Variants in XRCC4 observed in about 807,000 individuals in gnomAD.
The protein encoded by XRCC4 is DNA repair protein XRCC4.
A neutral mutation model predicts 39.1 loss-of-function variants in XRCC4; 28 were observed. That is an observed-to-expected ratio of 0.72 (90% CI 0.53 to 0.98). XRCC4 has a LOEUF of 0.98. Ranked by LOEUF, XRCC4 falls within the 50% of genes least tolerant of loss-of-function variation. The pLI is 0.00. For synonymous variants in XRCC4, 123 were observed against 126.4 expected (o/e 0.97, Z 0.18); for missense variants, 350 against 376.4 (o/e 0.93, Z 0.58).
the XRCC4 span, among the ~76,000 whole-genome samples, chr5:83,361,705 C>T: frequency 0.17 from 25,730 of 151,648 alleles, 2,760 homozygotes; most frequent in Non-Finnish European, 0.25. Flanking sequence ...TCACTGCAAC[C>T]TCTGTCTCCT....
rs182234484 is a variant in XRCC4, at chr5:83,314,709, C to A, written c.894-38422C>A. Among the ~76,000 whole-genome samples the A allele has an allele frequency of 3.3e-3, 501 of 152,122 alleles. 3 individuals carry two copies. The highest frequency in any genetic ancestry group is 2.9e-3 in the Non-Finnish European group (195 of 67,970). ...GTTATGGTTATCTGTGATCAGTGATCATTTATTTTACTATTGCAATTATTT... is the reference window on the plus strand; with the variant it reads ...GTTATGGTTATCTGTGATCAGTGATAATTTATTTTACTATTGCAATTATTT... On this transcript the variant is annotated intron_variant, in intron 7 of 7. Transcript: ENST00000396027.
chr5:83,150,975 G>A (rs1210704308), intron 3 of XRCC4, among the ~76,000 whole-genome samples: 1 of 152,044 alleles, frequency 6.6e-6, no homozygotes, highest in Non-Finnish European at 1.5e-5. Flanking sequence ...ATTCTGGTAT[G>A]ATTCCTTTGC....
chr5:83,251,519 G>A (rs1191703225), intron 6 of XRCC4, among the ~76,000 whole-genome samples: 10 of 109,160 alleles, frequency 9.2e-5, no homozygotes, highest in Non-Finnish European at 1.2e-4. Context: ...ACGAGACTCC[G>A]TCTCAAAAAA....
intron 1 of XRCC4, among the ~76,000 whole-genome samples, chr5:83,083,449 T>C (rs1306964461): frequency 6.7e-6 from 1 of 149,240 alleles, no homozygotes; most frequent in Non-Finnish European, 1.5e-5. Context: ...CAATCTCTAC[T>C]CACTACAACC....
At position 83,204,872 on chromosome 5, in the gene XRCC4, T is replaced by A; in HGVS notation, c.696T>A (p.Ser232Arg). Residue 232 changes from serine (S) to arginine (R), a missense_variant, in exon 6 of 8, where the codon AGT (serine) becomes AGA (arginine). By Grantham distance (110) the Ser-to-Arg change is moderately radical. Coordinates refer to ENST00000396027, the MANE Select transcript of XRCC4 (RefSeq NM_003401.5). ...ACCGAGATCCAGTCTATGATGAGAGTACTGATGAGGAAAGTGAAAACCAAA... is the reference window on the plus strand; with the variant it reads ...ACCGAGATCCAGTCTATGATGAGAGAACTGATGAGGAAAGTGAAAACCAAA... ...TADRDPVYDE[S>R]TDEESENQTD... 1 of 1,612,420 alleles carries A rather than the reference T, an allele frequency of 6.2e-7. No individual in the cohort carries two copies. The highest frequency in any genetic ancestry group is 1.7e-5 in the Admixed American group (1 of 59,960).
At chr5:83,101,019 C>A (rs944554387) in intron 1 of XRCC4, among the ~76,000 whole-genome samples, 20 of 151,990 alleles carry the variant, frequency 1.3e-4, no homozygotes, top group African/African-American at 4.1e-4. Flanking sequence ...CTGTGATTAT[C>A]GTATCAAACC....
At chr5:83,132,816 A>G (rs1248698328) in intron 3 of XRCC4, among the ~76,000 whole-genome samples, 1 of 151,926 alleles carries the variant, frequency 6.6e-6, no homozygotes, top group Non-Finnish European at 1.5e-5. Flanking sequence ...CTTCTTTTCA[A>G]TGGATTCAAA....
chr5:83,323,696 T>C (rs906872999), intron 7 of XRCC4, among the ~76,000 whole-genome samples: 4 of 151,596 alleles, frequency 2.6e-5, no homozygotes, highest in Non-Finnish European at 5.9e-5. Flanking sequence ...ACAGTAAAAG[T>C]AGTAAGGATG....
chr5:83,153,636 C>CA (rs1251599801), intron 3 of XRCC4, among the ~76,000 whole-genome samples: 1 of 152,130 alleles, frequency 6.6e-6, no homozygotes, highest in African/African-American at 2.4e-5. Flanking sequence ...GTGATGATGA[C>CA]AAAGGCTGGC....
At chr5:83,318,368 G>A (rs1164197553) in intron 7 of XRCC4, among the ~76,000 whole-genome samples, 5 of 132,404 alleles carry the variant, frequency 3.8e-5, no homozygotes, top group Non-Finnish European at 7.5e-5. Context: ...AATAAGGCAG[G>A]AGAAGGAAAT....
chr5:83,322,722 T>G (rs772873998), intron 7 of XRCC4, among the ~76,000 whole-genome samples: 3 of 152,010 alleles, frequency 2.0e-5, no homozygotes, highest in Non-Finnish European at 4.4e-5. Context: ...GAGGCAGAGA[T>G]TGGAGAGATG....
chr5:83,292,539 A>G (rs1754954385), intron 7 of XRCC4, among the ~76,000 whole-genome samples: 1 of 151,976 alleles, frequency 6.6e-6, no homozygotes, highest in Admixed American at 6.6e-5. Flanking sequence ...TGAAATAGCA[A>G]TATTCTATTT....
At chr5:83,095,628 G>A (rs1425763204) in intron 1 of XRCC4, among the ~76,000 whole-genome samples, 1 of 152,118 alleles carries the variant, frequency 6.6e-6, no homozygotes, top group Non-Finnish European at 1.5e-5. Flanking sequence ...ATTACTCCTG[G>A]ACTGCAGCAG....
chr5:83,215,089 A>T lies in XRCC4; in HGVS notation c.745+10168A>T, dbSNP rs145824154. Among the ~76,000 whole-genome samples the T allele has an allele frequency of 2.0e-5, 3 of 152,160 alleles. No individual in the cohort carries two copies. In the East Asian group the frequency reaches 5.8e-4, roughly 30 times the overall value. On this transcript the variant is annotated intron_variant, in intron 6 of 7. Transcript: ENST00000396027. ...AATGGCCTACACCTGTAATCCTAGC[A>T]CTTTGGGAAGCTGATGCGGGCAGAT...
At chr5:83,295,190 C>G (rs1755052194) in intron 7 of XRCC4, among the ~76,000 whole-genome samples, 1 of 151,938 alleles carries the variant, frequency 6.6e-6, no homozygotes, top group Admixed American at 6.6e-5. Context: ...GTGAGCAGCA[C>G]TTTCAAAAAT....
At chr5:83,093,674 A>G (rs1745536026) in intron 1 of XRCC4, among the ~76,000 whole-genome samples, 1 of 152,146 alleles carries the variant, frequency 6.6e-6, no homozygotes, top group African/African-American at 2.4e-5. Context: ...AAAATTCAGA[A>G]GTATACTGAA....
chr5:83,163,902 G>C (rs192635529), intron 3 of XRCC4, among the ~76,000 whole-genome samples: 1 of 152,196 alleles, frequency 6.6e-6, no homozygotes, highest in Non-Finnish European at 1.5e-5. Context: ...CTTGAGAGCA[G>C]TGTGGCTTTG....
Position 83,296,639 on chromosome 5 carries a change from TGTGAAA to T in XRCC4, c.893+37967_893+37972del, listed in dbSNP as rs528734455. Among the ~76,000 whole-genome samples, 577 of 152,074 alleles carry T rather than the reference TGTGAAA, an allele frequency of 3.8e-3. 2 individuals carry two copies. The highest frequency in any genetic ancestry group is 6.5e-3 in the Non-Finnish European group (440 of 67,920). On this transcript the variant is annotated intron_variant, in intron 7 of 7. Transcript: ENST00000396027. ...TATATTTTATTAGATGGAAGGAGGTTGTGAAAGTGAGAGCAGAAATTAAAGTAAAAA... is the reference window on the plus strand; with the variant it reads ...TATATTTTATTAGATGGAAGGAGGTTGTGAGAGCAGAAATTAAAGTAAAAA...
intron 1 of XRCC4, among the ~76,000 whole-genome samples, chr5:83,094,580 T>C (rs1345589012): frequency 6.6e-6 from 1 of 151,868 alleles, no homozygotes; most frequent in African/African-American, 2.4e-5. Context: ...ATCTCCTGGA[T>C]ATTCATTTTT....
Sources: gnomAD v4.1 joint callset for allele counts (sites outside exome capture counted in the v4.1 genomes callset) on GRCh38, gnomAD v4.1.1 for gene constraint, MANE v1.5 for transcripts, NCBI Gene and HGNC (gene_info 2026-07-23, HGNC 2026-07-21) for gene names.